Variants in SCN11A observed in about 807,000 individuals in gnomAD.
SCN11A encodes the protein sodium channel protein type 11 subunit alpha.
SCN11A carries 122 observed loss-of-function variants against 162.2 expected under a neutral mutation model. The observed-to-expected ratio is 0.75, with a 90% CI of 0.65 to 0.87. The LOEUF is 0.87. Among genes scored for constraint, SCN11A ranks in the 40% least tolerant of loss-of-function variants. The pLI, the probability that SCN11A is intolerant of heterozygous loss-of-function variation, is 0.00. For synonymous variants in SCN11A, 758 were observed against 751.5 expected, an observed-to-expected ratio of 1.01 and a Z score of -0.14; for missense variants, 2,015 against 2,181.6, an observed-to-expected ratio of 0.92 and a Z score of 1.52.
chr3:39,031,736 A>G (rs1426138267), intron 2 of SCN11A, among the ~76,000 whole-genome samples: 1 of 152,160 alleles, frequency 6.6e-6, no homozygotes, highest in Non-Finnish European at 1.5e-5. Context: ...ATTATATATC[A>G]TAACACCCTT....
chr3:38,905,868 T>C (rs1421305166), intron 14 of SCN11A, among the ~76,000 whole-genome samples: 1 of 152,198 alleles, frequency 6.6e-6, no homozygotes, highest in Non-Finnish European at 1.5e-5. Flanking sequence ...ACTCTCAAGC[T>C]GGGCCCAAGG....
chr3:38,943,144 AT>A (rs751406279), intron 7 of SCN11A, among the ~76,000 whole-genome samples: 48 of 152,214 alleles, frequency 3.2e-4, no homozygotes, highest in Non-Finnish European at 4.4e-4. Flanking sequence ...GAAAAAAAAA[AT>A]GTAGAAATAT....
At chr3:39,043,077 A>C (rs1434138580) in intron 1 of SCN11A, among the ~76,000 whole-genome samples, 1 of 152,184 alleles carries the variant, frequency 6.6e-6, no homozygotes, top group African/African-American at 2.4e-5. Flanking sequence ...GCTCAACATC[A>C]TTAATTATCA....
chr3:39,012,482 C>G (rs1559573872), intron 2 of SCN11A, among the ~76,000 whole-genome samples: 3 of 123,392 alleles, frequency 2.4e-5, no homozygotes, highest in Admixed American at 2.2e-4. Flanking sequence ...CTCTTTCTCT[C>G]TTTCTTTTTT....
intron 28 of SCN11A, among the ~76,000 whole-genome samples, chr3:38,861,314 T>C (rs2064959972): frequency 6.6e-6 from 1 of 152,084 alleles, no homozygotes; most frequent in Admixed American, 6.6e-5. Context: ...ATGACCATAC[T>C]GTCAAAAGCA....
At chr3:38,907,397 CCCTTACTTTGGAAGGATTAAACT>C (rs1424488552) in intron 14 of SCN11A, among the ~76,000 whole-genome samples, 1 of 145,586 alleles carries the variant, frequency 6.9e-6, no homozygotes, top group African/African-American at 2.6e-5. Context: ...CACTTTGATG[CCCTTACTTTGGAAGGATTAAACT>C]CCAACTACCT....
chr3:38,879,496 A>C (rs1265475841), intron 23 of SCN11A, among the ~76,000 whole-genome samples: 1 of 152,196 alleles, frequency 6.6e-6, no homozygotes, highest in African/African-American at 2.4e-5. Flanking sequence ...ATTGTCATGC[A>C]TATTAAATGA....
At chr3:38,977,716 G>T (rs1444830773) in intron 2 of SCN11A, among the ~76,000 whole-genome samples, 1 of 152,106 alleles carries the variant, frequency 6.6e-6, no homozygotes, top group Non-Finnish European at 1.5e-5. Flanking sequence ...AACATGCCTT[G>T]GAGCTTCCCC....
chr3:38,867,533 A>G lies in SCN11A; in HGVS notation c.3814-75T>C, dbSNP rs558890789. The stretch of plus-strand genomic sequence containing the variant: ...TATAAGCATTCTAACTACCTTATCT[A>G]GAAGACCAAGGTGTTTCTTAGCAGC... On this transcript the variant is annotated intron_variant, in intron 26 of 29. Coordinates refer to ENST00000302328, the MANE Select transcript of SCN11A (RefSeq NM_001349253.2). The G allele has an allele frequency of 2.6e-6, 3 of 1,146,940 alleles. 1 individual carries two copies. In the South Asian group the frequency reaches 4.4e-5, roughly 17 times the overall value. 71.0% of individuals were successfully genotyped at this position (1,146,940 alleles called of 1,614,324 possible).
intron 2 of SCN11A, among the ~76,000 whole-genome samples, chr3:38,968,771 C>A (rs1309775879): frequency 6.6e-6 from 1 of 152,206 alleles, no homozygotes; most frequent in Non-Finnish European, 1.5e-5. Context: ...GTGTGATCTC[C>A]TTTTGAACTT....
chr3:39,051,117 CTTG>C (rs1382970376), intron 1 of SCN11A, among the ~76,000 whole-genome samples: 3 of 146,830 alleles, frequency 2.0e-5, no homozygotes, highest in East Asian at 2.2e-4. Flanking sequence ...ATCTTTTTGT[CTTG>C]TTTTTTTTTT....
At chr3:38,941,526 A>G in intron 7 of SCN11A, among the ~76,000 whole-genome samples, 1 of 152,206 alleles carries the variant, frequency 6.6e-6, no homozygotes, top group East Asian at 1.9e-4. Flanking sequence ...TGTTGGGTTT[A>G]TTGTGTACAT....
At chr3:39,016,412 C>A (rs533846564) in intron 2 of SCN11A, among the ~76,000 whole-genome samples, 4 of 152,222 alleles carry the variant, frequency 2.6e-5, no homozygotes, top group African/African-American at 9.6e-5. Flanking sequence ...GCACTGAAAA[C>A]AATTCAATTT....
intron 11 of SCN11A, among the ~76,000 whole-genome samples, chr3:38,915,802 A>G (rs2065952216): frequency 6.6e-6 from 1 of 152,134 alleles, no homozygotes; most frequent in Admixed American, 6.6e-5. Context: ...AGAGTTCTGT[A>G]GAGGTCTAAC....
chr3:38,977,891 T>C (rs1320133491), intron 2 of SCN11A, among the ~76,000 whole-genome samples: 2 of 152,216 alleles, frequency 1.3e-5, no homozygotes, highest in Non-Finnish European at 1.5e-5. Context: ...TAAATCTGCA[T>C]CATCTCTCAC....
At chr3:38,877,076 GTATATAC>G (rs1431994572) in intron 23 of SCN11A, among the ~76,000 whole-genome samples, 2 of 124,512 alleles carry the variant, frequency 1.6e-5, no homozygotes, top group Middle Eastern at 4.8e-3. Context: ...TATATATGGT[GTATATAC>G]TATATATATG....
At position 38,905,314 on chromosome 3, in the gene SCN11A, A is replaced by T; in HGVS notation, c.1481T>A (p.Leu494His). 6.2e-7 allele frequency: 1 copy of T among 1,613,486 alleles called. No individual in the cohort carries two copies. The highest frequency in any genetic ancestry group is 1.3e-5 in the African/African-American group (1 of 75,016). ...SDEDCQKKPQ[L>H]LEQTKRLSQN... ...GGACAGTCGTTTGGTTTGCTCTAGGAGCTGTGGCTGTAAGAGAAGGCATAG... is the reference window on the plus strand; with the variant it reads ...GGACAGTCGTTTGGTTTGCTCTAGGTGCTGTGGCTGTAAGAGAAGGCATAG... The change falls in exon 15 of 30, where the codon CTC (leucine) becomes CAC (histidine). Residue 494 changes from leucine (L) to histidine (H), a missense_variant. Leu to His is a moderately conservative substitution (Grantham distance 99). Coordinates refer to ENST00000302328, the MANE Select transcript of SCN11A (RefSeq NM_001349253.2).
At chr3:39,010,267 C>T (rs2031089201) in intron 2 of SCN11A, among the ~76,000 whole-genome samples, 1 of 151,874 alleles carries the variant, frequency 6.6e-6, no homozygotes, top group Non-Finnish European at 1.5e-5. Context: ...AGGGAGATGG[C>T]ATTTTCCCAA....
intron 7 of SCN11A, among the ~76,000 whole-genome samples, chr3:38,933,654 C>T (rs1290769725): frequency 6.6e-5 from 10 of 151,750 alleles, no homozygotes; most frequent in East Asian, 1.9e-4. Flanking sequence ...TGAAATGAAG[C>T]GAGAAGGGAA....
Sources: allele counts gnomAD v4.1 joint callset (sites outside exome capture counted in the v4.1 genomes callset), GRCh38; gene constraint gnomAD v4.1.1; transcripts MANE v1.5; gene names NCBI Gene and HGNC (gene_info 2026-07-23, HGNC 2026-07-21).